ULK4: variants seen among roughly 807,000 people sequenced by gnomAD.
The protein encoded by ULK4 is inactive serine/threonine-protein kinase ULK4.
Under a neutral mutation model 160.6 loss-of-function variants are expected in ULK4, and 133 were observed. The ratio of observed to expected loss-of-function variants is 0.83; its 90% CI spans 0.72 to 0.96. The LOEUF is 0.96. Ranked by LOEUF, ULK4 falls within the 40% of genes least tolerant of loss-of-function variation. ULK4 has a pLI of 0.00. For synonymous variants in ULK4, 534 were observed against 539.8 expected (o/e 0.99, Z 0.15); for missense variants, 1,580 against 1,499.5 (o/e 1.05, Z -0.89).
chr3:41,773,281 G>C (rs1275846648), intron 21 of ULK4, among the ~76,000 whole-genome samples: 1 of 152,180 alleles, frequency 6.6e-6, no homozygotes, highest in Non-Finnish European at 1.5e-5. Context: ...AAGTCAAATT[G>C]TCCCTGTTTG....
In ULK4 at chr3:41,781,910, G is replaced by A. The variant is rs142303590; in HGVS notation, c.2193+7751C>T. The stretch of plus-strand genomic sequence containing the variant: ...GCCGAGATCATGCCACTGCACTCCA[G>A]CCTGGGCAACCACAGCAAAATTCCA... On this transcript the variant is annotated intron_variant, in intron 21 of 36. Transcript: ENST00000301831. Among the ~76,000 whole-genome samples, 634 of 152,326 alleles carry A rather than the reference G, an allele frequency of 4.2e-3. 4 individuals are homozygous for A. The highest frequency in any genetic ancestry group is 0.017 in the Middle Eastern group (5 of 294).
intron 35 of ULK4, among the ~76,000 whole-genome samples, chr3:41,396,535 A>G (rs1196962700): frequency 6.6e-6 from 1 of 152,128 alleles, no homozygotes. Flanking sequence ...CTTTACATAA[A>G]GTAATTTTTT....
intron 30 of ULK4, among the ~76,000 whole-genome samples, chr3:41,642,155 T>C (rs1327145285): frequency 6.6e-6 from 1 of 152,140 alleles, no homozygotes; most frequent in Non-Finnish European, 1.5e-5. Flanking sequence ...ATTACAGGCG[T>C]GACCCACTGC....
intron 12 of ULK4, among the ~76,000 whole-genome samples, chr3:41,905,596 G>A (rs930416451): frequency 2.6e-5 from 4 of 151,994 alleles, no homozygotes; most frequent in Non-Finnish European, 1.5e-5. Context: ...CTCCTATCTA[G>A]AATATGTAAA....
At chr3:41,582,542 T>C (rs867637486) in intron 31 of ULK4, among the ~76,000 whole-genome samples, 1 of 152,210 alleles carries the variant, frequency 6.6e-6, no homozygotes, top group Admixed American at 6.5e-5. Flanking sequence ...ATAGAGCCTA[T>C]GCTGCCAGCT....
chr3:41,544,526 G>C (rs1486441770), intron 32 of ULK4, among the ~76,000 whole-genome samples: 1 of 152,132 alleles, frequency 6.6e-6, no homozygotes, highest in African/African-American at 2.4e-5. Flanking sequence ...TATTCCCCAG[G>C]AATAAATTAG....
At chr3:41,734,182 C>A (rs1340091064) in intron 22 of ULK4, among the ~76,000 whole-genome samples, 1 of 152,030 alleles carries the variant, frequency 6.6e-6, no homozygotes, top group Non-Finnish European at 1.5e-5. Flanking sequence ...TTGGGGCAGT[C>A]TAGACGGAAA....
At chr3:41,466,472 A>G (rs567601834) in intron 32 of ULK4, among the ~76,000 whole-genome samples, 1 of 152,356 alleles carries the variant, frequency 6.6e-6, no homozygotes, top group South Asian at 2.1e-4. Context: ...GGGGGAAAAG[A>G]GAGATCCTTG....
At chr3:41,490,659 C>G (rs1358973160) in intron 32 of ULK4, among the ~76,000 whole-genome samples, 1 of 152,166 alleles carries the variant, frequency 6.6e-6, no homozygotes, top group African/African-American at 2.4e-5. Context: ...GAAGGCAAAA[C>G]ACATTTTTAA....
chr3:41,558,343 G>T (rs9311282), intron 32 of ULK4, among the ~76,000 whole-genome samples: 48,655 of 151,898 alleles, frequency 0.32, 8,075 homozygotes, highest in African/African-American at 0.36. Flanking sequence ...TATCACGGGG[G>T]TAAGTGCATA....
At chr3:41,881,628 C>T (rs1279572441) in intron 17 of ULK4, among the ~76,000 whole-genome samples, 3 of 152,114 alleles carry the variant, frequency 2.0e-5, no homozygotes, top group Non-Finnish European at 2.9e-5. Flanking sequence ...ATTATCCAAC[C>T]AAATGTAGTT....
At chr3:41,876,678 T>C (rs138518492) in intron 17 of ULK4, among the ~76,000 whole-genome samples, 4 of 152,332 alleles carry the variant, frequency 2.6e-5, no homozygotes, top group South Asian at 4.1e-4. Flanking sequence ...AGTATACTCA[T>C]GTAATAAAAA....
intron 34 of ULK4, 117 bp from the exon 35 acceptor site, chr3:41,398,381 T>C: frequency 1.0e-6 from 1 of 955,124 alleles, no homozygotes; most frequent in Non-Finnish European, 1.5e-6. Flanking sequence ...TGCTGAATAC[T>C]TTTTTACTTT....
chr3:41,418,637 T>C (rs1186513348), intron 34 of ULK4, among the ~76,000 whole-genome samples: 1 of 152,080 alleles, frequency 6.6e-6, no homozygotes, highest in Non-Finnish European at 1.5e-5. Context: ...ATGCTTTTAA[T>C]CTATCTCATG....
chr3:41,662,996 G>A (rs1235117578), intron 30 of ULK4, among the ~76,000 whole-genome samples: 3 of 152,030 alleles, frequency 2.0e-5, no homozygotes, highest in African/African-American at 7.2e-5. Flanking sequence ...CGAGGTGGGT[G>A]GATAACCTGA....
intron 31 of ULK4, among the ~76,000 whole-genome samples, chr3:41,605,981 C>T (rs2032364794): frequency 6.6e-6 from 1 of 151,944 alleles, no homozygotes; most frequent in Non-Finnish European, 1.5e-5. Flanking sequence ...AACTAAGTAA[C>T]ACTTCTAAAT....
At chr3:41,377,192 TC>T (rs1160473015) in intron 35 of ULK4, among the ~76,000 whole-genome samples, 2 of 152,162 alleles carry the variant, frequency 1.3e-5, no homozygotes, top group African/African-American at 4.8e-5. Context: ...TGAAACTGGA[TC>T]CCTTCCTTAC....
Position 41,462,965 on chromosome 3 carries a change from T to C in ULK4, c.3393+122A>G, listed in dbSNP as rs576196573. On this transcript the variant is annotated intron_variant, in intron 33 of 36. Coordinates refer to ENST00000301831, the MANE Select transcript of ULK4 (RefSeq NM_017886.4). ...ATGACTCTTCAGAAGACACTCTCTATAGAATTATACATTCTTTTAAATAAG... is the reference window on the plus strand; with the variant it reads ...ATGACTCTTCAGAAGACACTCTCTACAGAATTATACATTCTTTTAAATAAG... The C allele has an allele frequency of 2.5e-5, 30 of 1,209,948 alleles. No homozygotes were observed. In the African/African-American group the frequency reaches 3.2e-4, roughly 13 times the overall value. 75.0% of individuals were successfully genotyped at this position (1,209,948 alleles called of 1,614,324 possible).
intron 32 of ULK4, among the ~76,000 whole-genome samples, chr3:41,494,485 C>T (rs2084912549): frequency 6.7e-6 from 1 of 149,714 alleles, no homozygotes. Flanking sequence ...ACTGAATGGG[C>T]AAAAACTGGA....
Sources: allele counts gnomAD v4.1 joint callset (sites outside exome capture counted in the v4.1 genomes callset), GRCh38; gene constraint gnomAD v4.1.1; transcripts MANE v1.5; gene names NCBI Gene and HGNC (gene_info 2026-07-23, HGNC 2026-07-21).